Variants in MYO9A observed in about 807,000 individuals in gnomAD.
MYO9A encodes myosin IXA.
MYO9A carries 103 observed loss-of-function variants against 293.3 expected under a neutral mutation model. That is an observed-to-expected ratio of 0.35 (90% CI 0.30 to 0.41). MYO9A has a LOEUF of 0.41. Ranked by LOEUF, MYO9A falls within the 10% of genes least tolerant of loss-of-function variation. The probability of loss-of-function intolerance (pLI) is 1.00; values close to 1 mark genes in which losing one functional copy is unlikely to be tolerated. For synonymous variants in MYO9A, 1,001 were observed against 1,035.7 expected (o/e 0.97, Z 0.64); for missense variants, 2,685 against 3,033.0 (o/e 0.89, Z 2.69).
intron 1 of MYO9A, among the ~76,000 whole-genome samples, chr15:72,054,439 G>A (rs930571933): frequency 8.5e-5 from 13 of 152,142 alleles, no homozygotes; most frequent in African/African-American, 2.4e-4. Context: ...CTGGGGGGCC[G>A]AGGCGGGCGA....
At chr15:72,000,906 C>T (rs1001073745) in intron 8 of MYO9A, among the ~76,000 whole-genome samples, 1 of 152,216 alleles carries the variant, frequency 6.6e-6, no homozygotes, top group Admixed American at 6.5e-5. Flanking sequence ...ACACGATTTA[C>T]AATTTTGTAT....
At chr15:71,994,307 A>T (rs1391316788) in intron 10 of MYO9A, among the ~76,000 whole-genome samples, 162 bp downstream of exon 10, 1 of 152,218 alleles carries the variant, frequency 6.6e-6, no homozygotes, top group Non-Finnish European at 1.5e-5. Flanking sequence ...AGGTCTGGAA[A>T]GACACACAGA....
chr15:72,074,205 C>A (rs985093890), intron 1 of MYO9A, among the ~76,000 whole-genome samples: 10 of 152,114 alleles, frequency 6.6e-5, no homozygotes, highest in Non-Finnish European at 1.2e-4. Flanking sequence ...CAAGTCATCT[C>A]AGAATCCATC....
At chr15:71,980,716 T>C (rs748037883) in intron 11 of MYO9A, among the ~76,000 whole-genome samples, 17 of 152,130 alleles carry the variant, frequency 1.1e-4, no homozygotes, top group Non-Finnish European at 2.2e-4. Context: ...TATGCACCTG[T>C]AGTCCCAGCT....
At chr15:71,836,493 C>T (rs1475921983) in intron 39 of MYO9A, among the ~76,000 whole-genome samples, 1 of 151,986 alleles carries the variant, frequency 6.6e-6, no homozygotes, top group Non-Finnish European at 1.5e-5. Flanking sequence ...TGTGACCCTG[C>T]AAATCCACTC....
intron 5 of MYO9A, among the ~76,000 whole-genome samples, 166 bp from the exon 6 acceptor site, chr15:72,019,261 C>T (rs1200075595): frequency 6.6e-6 from 1 of 152,120 alleles, no homozygotes; most frequent in African/African-American, 2.4e-5. Context: ...TGCTGGGAGA[C>T]TGTATACTGT....
chr15:71,975,627 G>A (rs1293195986), intron 12 of MYO9A, among the ~76,000 whole-genome samples: 1 of 151,994 alleles, frequency 6.6e-6, no homozygotes, highest in Non-Finnish European at 1.5e-5. Flanking sequence ...GCCCAAGGCA[G>A]GTCTCTAATC....
intron 11 of MYO9A, among the ~76,000 whole-genome samples, chr15:71,982,105 C>T (rs376883476): frequency 2.7e-5 from 4 of 148,526 alleles, no homozygotes; most frequent in Non-Finnish European, 4.4e-5. Flanking sequence ...CTGCAAGCTC[C>T]GCCTCGCGGG....
chr15:71,993,008 A>C (rs2076583859), intron 10 of MYO9A, among the ~76,000 whole-genome samples: 2 of 152,114 alleles, frequency 1.3e-5, no homozygotes. Flanking sequence ...AATAATTGCA[A>C]TATATATCAA....
At chr15:71,924,683 G>A (rs796431116) in intron 18 of MYO9A, among the ~76,000 whole-genome samples, 19 of 152,200 alleles carry the variant, frequency 1.2e-4, no homozygotes, top group African/African-American at 4.3e-4. Flanking sequence ...CACTTTGAGA[G>A]GCCAAGATGG....
chr15:71,870,825 A>G (rs2056487256), intron 32 of MYO9A, among the ~76,000 whole-genome samples: 1 of 152,124 alleles, frequency 6.6e-6, no homozygotes, highest in Admixed American at 6.6e-5. Flanking sequence ...TGTTTTTTGG[A>G]ACTTTGTGGA....
intron 8 of MYO9A, among the ~76,000 whole-genome samples, chr15:72,005,901 A>G (rs980877277): frequency 3.9e-5 from 6 of 152,206 alleles, no homozygotes; most frequent in Non-Finnish European, 8.8e-5. Flanking sequence ...ATGAACCAAG[A>G]TTTGGAAGAT....
chr15:71,968,635 G>A (rs971838551), intron 12 of MYO9A, among the ~76,000 whole-genome samples: 10 of 152,026 alleles, frequency 6.6e-5, no homozygotes, highest in African/African-American at 1.9e-4. Context: ...GATCAACTGA[G>A]CACTTAATAT....
chr15:71,917,873 A>T (rs2058054183), intron 18 of MYO9A, among the ~76,000 whole-genome samples: 1 of 152,216 alleles, frequency 6.6e-6, no homozygotes, highest in African/African-American at 2.4e-5. Flanking sequence ...CAATATAAAC[A>T]TTAATAAAAC....
At chr15:72,075,640 G>A (rs922599748) in intron 1 of MYO9A, among the ~76,000 whole-genome samples, 2 of 151,806 alleles carry the variant, frequency 1.3e-5, no homozygotes, top group African/African-American at 2.4e-5. Context: ...TTAAAACGAA[G>A]AAAGCCAGGC....
intron 32 of MYO9A, among the ~76,000 whole-genome samples, chr15:71,863,858 C>T (rs2056232978): frequency 6.6e-6 from 1 of 152,162 alleles, no homozygotes; most frequent in South Asian, 2.1e-4. Context: ...AATATTTTAA[C>T]AGTCCTTTCA....
intron 1 of MYO9A, among the ~76,000 whole-genome samples, chr15:72,080,940 C>G (rs1255751245): frequency 1.3e-5 from 2 of 152,004 alleles, no homozygotes; most frequent in Admixed American, 6.6e-5. Context: ...ATATATACAC[C>G]ACATTTTCTT....
At chr15:71,875,309 A>G (rs908088153) in intron 32 of MYO9A, among the ~76,000 whole-genome samples, 34 of 152,230 alleles carry the variant, frequency 2.2e-4, no homozygotes, top group African/African-American at 8.2e-4. Flanking sequence ...TGCTTTTACA[A>G]AGTCCTCTTC....
intron 10 of MYO9A, among the ~76,000 whole-genome samples, chr15:71,993,949 C>G (rs997677613): frequency 8.7e-5 from 8 of 92,204 alleles, no homozygotes; most frequent in African/African-American, 3.1e-4. Context: ...AGCAAGACAC[C>G]GTCTCAAAAA....
Sources: gnomAD v4.1 joint callset for allele counts (sites outside exome capture counted in the v4.1 genomes callset) on GRCh38, gnomAD v4.1.1 for gene constraint, MANE v1.5 for transcripts, NCBI Gene and HGNC (gene_info 2026-07-23, HGNC 2026-07-21) for gene names.